The following GEMIN5 variants were observed in gnomAD, a reference collection of about 807,000 sequenced individuals.
The protein encoded by GEMIN5 is gem nuclear organelle associated protein 5.
In GEMIN5, 124 loss-of-function variants were observed where a neutral mutation model predicts 176.9. The observed-to-expected ratio is 0.70, with a 90% CI of 0.61 to 0.81. The LOEUF is 0.81. Ranked by LOEUF, GEMIN5 falls within the 40% of genes least tolerant of loss-of-function variation. GEMIN5 has a pLI of 0.00. For missense variants in GEMIN5, 1,843 were observed against 1,814.6 expected, an observed-to-expected ratio of 1.02 and a Z score of -0.28; for synonymous variants, 673 against 665.2, an observed-to-expected ratio of 1.01 and a Z score of -0.18.
chr5:154,898,376 T>G (rs1263379167), intron 23 of GEMIN5, 64 bp downstream of exon 23: 2 of 1,423,412 alleles, frequency 1.4e-6, no homozygotes, highest in East Asian at 4.6e-5. Context: ...TAACTTGGAT[T>G]TGACTAGAAA....
intron 5 of GEMIN5, among the ~76,000 whole-genome samples, chr5:154,930,315 C>G (rs1291937321): frequency 3.9e-5 from 6 of 152,220 alleles, no homozygotes; most frequent in Non-Finnish European, 7.3e-5. Flanking sequence ...CTCCGTTGTC[C>G]AAGTGTGCGC....
intron 7 of GEMIN5, 73 bp downstream of exon 7, chr5:154,927,312 G>GA: frequency 1.0e-6 from 1 of 954,420 alleles, no homozygotes. Flanking sequence ...CAGGTGCTTT[G>GA]AAAAAGCCCT....
rs368298943 is a variant in GEMIN5, at chr5:154,917,803, TCA to T, written c.1673+126_1673+127del. On this transcript the variant is annotated intron_variant, in intron 12 of 27. Transcript: ENST00000285873. ...GGCACTACTGGATCAGCGGAGGATA[TCA>T]AGAATAAATCAAAATACCAAATACA... 8.8e-4 allele frequency: 601 copies of T among 683,042 alleles called. 4 individuals are homozygous for T. The African/African-American group carries it at 1.0e-2, about 11-fold the overall frequency. The allele number at this position is 683,042 out of a possible 1,614,324, so 42.3% of individuals were successfully genotyped here.
rs1020656415 is a variant in GEMIN5, at chr5:154,922,096, A to G, written c.1380-671T>C. 2.0e-5 allele frequency among the ~76,000 whole-genome samples: 3 copies of G among 152,376 alleles called. No individual in the cohort carries two copies. The East Asian group carries it at 5.8e-4, about 29-fold the overall frequency. On this transcript the variant is annotated intron_variant, in intron 9 of 27. Coordinates refer to ENST00000285873, the MANE Select transcript of GEMIN5 (RefSeq NM_015465.5). ...GACAAATTTATAGTGATCAATCTAGAGAATAAATCAAAATTTCTAAAAGAA... is the reference window on the plus strand; with the variant it reads ...GACAAATTTATAGTGATCAATCTAGGGAATAAATCAAAATTTCTAAAAGAA...
chr5:154,913,115 T>C (rs1173690614), intron 13 of GEMIN5, 77 bp from the exon 14 acceptor site: 1 of 1,209,768 alleles, frequency 8.3e-7, no homozygotes, highest in Admixed American at 2.3e-5. Context: ...CAGGAAGGCA[T>C]TCACATGACA....
Position 154,938,040 on chromosome 5 carries a change from C to A in GEMIN5, c.94G>T (p.Ala32Ser). The change falls in exon 1 of 28, where the codon GCG (alanine) becomes TCG (serine). Residue 32 changes from alanine to serine, a missense_variant. Transcript: ENST00000285873. ...CGGACAAGGAAGACGGAGGTCCGCGCGGCGAAGCCAAAGAGGCCCCCGGGC... is the reference window on the plus strand; with the variant it reads ...CGGACAAGGAAGACGGAGGTCCGCGAGGCGAAGCCAAAGAGGCCCCCGGGC... ...AVPGGLFGFA[A>S]RTSVFLVRVG... 2 of 1,548,802 alleles carry A rather than the reference C, an allele frequency of 1.3e-6. No homozygotes were observed. Among genetic ancestry groups the A allele is most frequent in the South Asian group, 1.2e-5 (1 of 85,080 alleles).
rs1329203011 is a variant in GEMIN5, at chr5:154,907,589, AC to A, written c.2395+1del. On this transcript the variant is annotated splice_donor_variant, in intron 16 of 27. Transcript: ENST00000285873. LOFTEE classifies it high-confidence loss of function. ...AGTGATACACAGGATTCTGCCACAT[AC>A]CCGCTGGAGCAAGGCCACAGGGTAA... is the stretch of plus-strand genomic sequence containing the variant. 3 of 1,610,746 alleles carry A rather than the reference AC, an allele frequency of 1.9e-6. No individual in the cohort carries two copies. Among genetic ancestry groups the A allele is most frequent in the Non-Finnish European group, 2.5e-6 (3 of 1,177,096 alleles).
intron 13 of GEMIN5, among the ~76,000 whole-genome samples, chr5:154,913,506 CAA>C (rs906078661): frequency 6.6e-6 from 1 of 152,184 alleles, no homozygotes; most frequent in African/African-American, 2.4e-5. Context: ...CTATCTTCCT[CAA>C]AAGTGTCACA....
chr5:154,922,313 A>G (rs1582670032), intron 9 of GEMIN5, among the ~76,000 whole-genome samples: 1 of 151,988 alleles, frequency 6.6e-6, no homozygotes. Context: ...GACTACAGGC[A>G]CCTGCCACCA....
At chr5:154,918,228 A>G (rs1218289402) in intron 11 of GEMIN5, among the ~76,000 whole-genome samples, 2 of 152,244 alleles carry the variant, frequency 1.3e-5, no homozygotes, top group Non-Finnish European at 2.9e-5. Flanking sequence ...CCCAAGGCCA[A>G]TAAGTACTAA....
In GEMIN5 at chr5:154,912,961, C is replaced by A; in HGVS notation, c.1933G>T (p.Val645Leu). 6.2e-7 allele frequency: 1 copy of A among 1,613,670 alleles called. No individual in the cohort carries two copies. Among genetic ancestry groups the A allele is most frequent in the Non-Finnish European group, 8.5e-7 (1 of 1,179,558 alleles). ...LSGHTAKITS[V>L]AWSPHHDGRL... The stretch of plus-strand genomic sequence containing the variant: ...CCATCATGATGTGGGCTCCACGCCA[C>A]ACTGGTAATCTTGGCCGTATGCCCT... Residue 645 changes from valine (V) to leucine (L), a missense_variant, in exon 14 of 28, where the codon GTG (valine) becomes TTG (leucine). Coordinates refer to ENST00000285873, the MANE Select transcript of GEMIN5 (RefSeq NM_015465.5).
rs1257308732 is a variant in GEMIN5 at position 154,898,617 on chromosome 5, G to C, written c.3168C>G (p.Ala1056=). 2.5e-6 allele frequency: 4 copies of C among 1,613,838 alleles called. 1 individual carries two copies. Among genetic ancestry groups the C allele is most frequent in the Admixed American group, 1.7e-5 (1 of 60,002 alleles). ...CATCCCCCTTTTTGGCCAAAACTTT[G>C]GCTGCATCATAAGCACAAGTGGCCC... ...YLGATCAYDA[A]KVLAKKGDAA... Residue 1056 remains alanine, a synonymous_variant, in exon 23 of 28, where the codon GCC becomes GCG. Coordinates refer to ENST00000285873, the MANE Select transcript of GEMIN5 (RefSeq NM_015465.5).
chr5:154,917,838 C>A, intron 12 of GEMIN5, 93 bp downstream of exon 12: 1 of 825,100 alleles, frequency 1.2e-6, no homozygotes, highest in East Asian at 2.5e-5. Flanking sequence ...ACAACTGGGC[C>A]GCCCCAGCTA....
intron 21 of GEMIN5, among the ~76,000 whole-genome samples, chr5:154,900,609 G>C (rs1255027453): frequency 6.6e-6 from 1 of 152,162 alleles, no homozygotes; most frequent in African/African-American, 2.4e-5. Context: ...CAGTCTCTGA[G>C]TTGAGAAGAG....
Position 154,935,994 on chromosome 5 carries a change from G to C in GEMIN5, c.356C>G (p.Pro119Arg). 6.2e-7 allele frequency: 1 copy of C among 1,610,106 alleles called. No individual in the cohort carries two copies. The highest frequency in any genetic ancestry group is 8.5e-7 in the Non-Finnish European group (1 of 1,177,854). Reference protein sequence around the residue: ...QHTISTLHWSPRVKDLIVSGD... With the variant: ...QHTISTLHWSRRVKDLIVSGD... Reference sequence around the variant, plus strand: ...AGATACTATTAAGTCCTTTACTCGAGGAGACCAATGTAATGTTGATATCGT... The same window carrying C: ...AGATACTATTAAGTCCTTTACTCGACGAGACCAATGTAATGTTGATATCGT... Residue 119 changes from proline to arginine, a missense_variant, in exon 3 of 28, where the codon CCT becomes CGT. Pro to Arg is a moderately radical substitution (Grantham distance 103). Coordinates refer to ENST00000285873, the MANE Select transcript of GEMIN5 (RefSeq NM_015465.5).
intron 1 of GEMIN5, 120 bp from the exon 2 acceptor site, chr5:154,937,305 CTG>C: frequency 1.3e-6 from 1 of 791,752 alleles, no homozygotes. Context: ...CATGGTATAA[CTG>C]AAACACCGAC....
intron 20 of GEMIN5, among the ~76,000 whole-genome samples, chr5:154,901,933 G>A (rs1054392806): frequency 1.3e-5 from 2 of 152,006 alleles, no homozygotes; most frequent in African/African-American, 2.4e-5. Flanking sequence ...CCCGAGTAGC[G>A]GGGACTACAG....
intron 13 of GEMIN5, among the ~76,000 whole-genome samples, chr5:154,913,602 T>C (rs754071417): frequency 2.0e-5 from 3 of 151,844 alleles, no homozygotes. Flanking sequence ...GGTGGGCAAA[T>C]TGCTTGAGTT....
At chr5:154,924,857 C>T (rs538073697) in intron 8 of GEMIN5, among the ~76,000 whole-genome samples, 10 of 151,856 alleles carry the variant, frequency 6.6e-5, no homozygotes, top group South Asian at 2.1e-4. Context: ...GGCGTGGTGG[C>T]GGGCGCCTGT....
Sources: allele counts gnomAD v4.1 joint callset (sites outside exome capture counted in the v4.1 genomes callset), GRCh38; gene constraint gnomAD v4.1.1; transcripts MANE v1.5; gene names NCBI Gene and HGNC (gene_info 2026-07-23, HGNC 2026-07-21).